Variants in LRRK2 observed in about 807,000 individuals in gnomAD.
LRRK2 encodes the protein leucine rich repeat kinase 2.
Under a neutral mutation model 302.6 loss-of-function variants are expected in LRRK2, and 203 were observed. The observed-to-expected ratio is 0.67, with a 90% CI of 0.60 to 0.75. The LOEUF (loss-of-function observed/expected upper bound fraction) is 0.75, where lower values mean the gene tolerates loss of function less well. Ranked by LOEUF, LRRK2 falls within the 30% of genes least tolerant of loss-of-function variation. The pLI is 0.00. For missense variants in LRRK2, 2,830 were observed against 2,951.0 expected (o/e 0.96, Z 0.95); for synonymous variants, 1,066 against 1,031.9 (o/e 1.03, Z -0.63).
intron 41 of LRRK2, among the ~76,000 whole-genome samples, chr12:40,341,622 G>A (rs1946048350): frequency 6.6e-6 from 1 of 152,114 alleles, no homozygotes. Flanking sequence ...TTAGAGACAA[G>A]ATCTCTTATC....
intron 40 of LRRK2, among the ~76,000 whole-genome samples, chr12:40,338,082 A>G (rs187705805): frequency 1.3e-5 from 2 of 152,302 alleles, no homozygotes; most frequent in East Asian, 1.9e-4. Flanking sequence ...GCTAGATATT[A>G]TATTGTTCTT....
chr12:40,316,008 A>G (rs144803000), intron 33 of LRRK2, among the ~76,000 whole-genome samples: 1 of 152,108 alleles, frequency 6.6e-6, no homozygotes, highest in African/African-American at 2.4e-5. Flanking sequence ...TTTATATTCG[A>G]GACGTAAGTA....
chr12:40,291,278 G>A (rs985143935), intron 20 of LRRK2, among the ~76,000 whole-genome samples: 2 of 151,514 alleles, frequency 1.3e-5, no homozygotes, highest in African/African-American at 4.9e-5. Flanking sequence ...AGGGCCTGTT[G>A]TGGGGTGGGG....
Position 40,251,353 on chromosome 12 carries a change from TA to T in LRRK2, c.1081del (p.Arg361GlufsTer14). ...EACYKALTWH[R>X]KNKHVQEAAC... ...CCTGTTACAAAGCATTAACGTGGCA[TA>T]GAAAGAACAAGCACGTGCAGGTAGG... On this transcript the variant is annotated frameshift_variant, in exon 9 of 51. Transcript: ENST00000298910. LOFTEE classifies it high-confidence loss of function. The T allele has an allele frequency of 6.2e-7, 1 of 1,613,994 alleles. No homozygotes were observed. The highest frequency in any genetic ancestry group is 8.5e-7 in the Non-Finnish European group (1 of 1,179,926).
chr12:40,320,908 A>G, intron 34 of LRRK2, 126 bp from the exon 35 acceptor site: 6 of 1,194,424 alleles, frequency 5.0e-6, no homozygotes, highest in Non-Finnish European at 7.3e-6. Flanking sequence ...TAGTGAAACA[A>G]TGTTACAAAA....
At chr12:40,298,551 A>T in intron 24 of LRRK2, 58 bp downstream of exon 24, 1 of 1,589,052 alleles carries the variant, frequency 6.3e-7, no homozygotes, top group Non-Finnish European at 8.6e-7. Flanking sequence ...TGTTAACAAA[A>T]TATGCTGACA....
intron 49 of LRRK2, chr12:40,365,683 G>A (rs1016991071): frequency 1.3e-5 from 2 of 151,716 alleles, no homozygotes; most frequent in African/African-American, 4.8e-5. Context: ...TTACAAAAAC[G>A]ACACTATGGG....
At chr12:40,250,086 A>G (rs1021321623) in intron 8 of LRRK2, 141 bp downstream of exon 8, 8 of 1,026,046 alleles carry the variant, frequency 7.8e-6, no homozygotes, top group East Asian at 2.6e-5. Context: ...AGTAGAGGAT[A>G]CTTTCAAGGA....
At position 40,284,039 on chromosome 12, in the gene LRRK2, C is replaced by G. The variant is rs1308664631; in HGVS notation, c.2406C>G (p.Ser802Arg). 6.2e-7 allele frequency: 1 copy of G among 1,613,812 alleles called. No individual in the cohort carries two copies. Among genetic ancestry groups the G allele is most frequent in the South Asian group, 1.1e-5 (1 of 91,066 alleles). ...TGGCCCTGGATGTGGCCAACAATAG[C>G]ATTTGCCTTGGAGGATTTTGTATAG... ...RRLALDVANNSICLGGFCIGK... is the reference protein window; with the variant it reads ...RRLALDVANNRICLGGFCIGK... Residue 802 changes from serine (S) to arginine (R), a missense_variant, in exon 19 of 51, where the codon AGC becomes AGG. Ser to Arg is a moderately radical substitution (Grantham distance 110). Coordinates refer to ENST00000298910, the MANE Select transcript of LRRK2 (RefSeq NM_198578.4).
At chr12:40,343,728 A>C (rs755010945) in intron 41 of LRRK2, among the ~76,000 whole-genome samples, 25 of 152,158 alleles carry the variant, frequency 1.6e-4, no homozygotes, top group Non-Finnish European at 2.4e-4. Flanking sequence ...ATCCAAGGGG[A>C]AATTATACTT....
chr12:40,255,785 T>C (rs536258803), intron 11 of LRRK2, among the ~76,000 whole-genome samples: 1 of 152,274 alleles, frequency 6.6e-6, no homozygotes, highest in African/African-American at 2.4e-5. Context: ...GCTAGCCACT[T>C]TGGGAAAGGT....
At chr12:40,231,868 A>G (rs1370924488) in intron 2 of LRRK2, among the ~76,000 whole-genome samples, 1 of 150,794 alleles carries the variant, frequency 6.6e-6, no homozygotes, top group East Asian at 1.9e-4. Context: ...CAGTGGCACA[A>G]TCTTGGCTCA....
At chr12:40,249,030 G>GT (rs1942136142) in intron 7 of LRRK2, among the ~76,000 whole-genome samples, 1 of 152,100 alleles carries the variant, frequency 6.6e-6, no homozygotes. Flanking sequence ...TGGGCTTTAG[G>GT]TTTTTTATGA....
chr12:40,302,134 C>T (rs1054920951), intron 25 of LRRK2, among the ~76,000 whole-genome samples: 1 of 151,968 alleles, frequency 6.6e-6, no homozygotes, highest in Admixed American at 6.6e-5. Flanking sequence ...GCTGAGATCA[C>T]GCTACTGCAC....
At position 40,305,855 on chromosome 12, in the gene LRRK2, C is replaced by T. The variant is rs1350068444; in HGVS notation, c.3848C>T (p.Ser1283Phe). 6.2e-7 allele frequency: 1 copy of T among 1,613,220 alleles called. No individual in the cohort carries two copies. Among genetic ancestry groups the T allele is most frequent in the African/African-American group, 1.3e-5 (1 of 74,856 alleles). ...LDVSYNLELRSFPNEMGKLSK... is the reference protein window; with the variant it reads ...LDVSYNLELRFFPNEMGKLSK... ...GTCAGTTACAACTTGGAACTAAGAT[C>T]CTTTCCCAATGAAATGGGGAAATTA... The change falls in exon 28 of 51, where the codon TCC becomes TTC. Residue 1283 changes from serine (S) to phenylalanine (F), a missense_variant. This residue lies in a region of LRRK2 where 2,121 missense variants were observed against 2,148.0 expected (regional missense o/e 0.99). Transcript: ENST00000298910.
At chr12:40,341,656 C>T (rs1317343732) in intron 41 of LRRK2, among the ~76,000 whole-genome samples, 1 of 152,106 alleles carries the variant, frequency 6.6e-6, no homozygotes, top group East Asian at 1.9e-4. Flanking sequence ...TGGAAGTTAG[C>T]TATTAGTTTC....
At chr12:40,338,708 C>A (rs905095446) in intron 40 of LRRK2, among the ~76,000 whole-genome samples, 3 of 152,136 alleles carry the variant, frequency 2.0e-5, no homozygotes, top group Admixed American at 1.3e-4. Flanking sequence ...TTAAGCTTAA[C>A]TATTTCTTTT....
chr12:40,288,943 A>C (rs142305730), intron 20 of LRRK2, among the ~76,000 whole-genome samples: 1 of 151,348 alleles, frequency 6.6e-6, no homozygotes, highest in Non-Finnish European at 1.5e-5. Flanking sequence ...TTTTTCTTTT[A>C]TGGTTTGTGC....
At chr12:40,268,541 T>C (rs900794206) in intron 14 of LRRK2, among the ~76,000 whole-genome samples, 1 of 152,140 alleles carries the variant, frequency 6.6e-6, no homozygotes, top group African/African-American at 2.4e-5. Context: ...AAAAGATACA[T>C]CTTTTTTGAT....
Sources: gnomAD v4.1 joint callset for allele counts (sites outside exome capture counted in the v4.1 genomes callset) on GRCh38, gnomAD v4.1.1 for gene constraint, gnomAD v4.1.1 regional missense constraint, MANE v1.5 for transcripts, NCBI Gene and HGNC (gene_info 2026-07-23, HGNC 2026-07-21) for gene names.